The following SPINK5 variants were observed in gnomAD, a reference collection of about 807,000 sequenced individuals.
SPINK5 encodes the protein serine peptidase inhibitor Kazal type 5.
Under a neutral mutation model 151.8 loss-of-function variants are expected in SPINK5, and 125 were observed. That is an observed-to-expected ratio of 0.82 (90% CI 0.71 to 0.96). The LOEUF (loss-of-function observed/expected upper bound fraction) is 0.96. SPINK5 is among the 40% of genes least tolerant of loss of function. SPINK5 has a pLI of 0.00. For synonymous variants in SPINK5, 374 were observed against 395.3 expected, an observed-to-expected ratio of 0.95 and a Z score of 0.64; for missense variants, 1,194 against 1,291.9, an observed-to-expected ratio of 0.92 and a Z score of 1.16.
At chr5:148,093,830 T>G (rs1166875951) in intron 8 of SPINK5, among the ~76,000 whole-genome samples, 1 of 151,930 alleles carries the variant, frequency 6.6e-6, no homozygotes, top group Non-Finnish European at 1.5e-5. Context: ...TATCTTTTAA[T>G]AAACCTACCA....
chr5:148,079,489 TAGAC>T (rs1319011290), intron 4 of SPINK5, among the ~76,000 whole-genome samples: 4 of 150,978 alleles, frequency 2.6e-5, no homozygotes, highest in East Asian at 3.9e-4. Flanking sequence ...CTCATAAACA[TAGAC>T]AGAAAAATCC....
In SPINK5 at chr5:148,118,434, C is replaced by T. The variant is rs987612777; in HGVS notation, c.2113-3C>T. The T allele has an allele frequency of 1.2e-6, 2 of 1,614,032 alleles. No individual in the cohort carries two copies. Among genetic ancestry groups the T allele is most frequent in the African/African-American group, 1.3e-5 (1 of 75,032 alleles). On this transcript the variant is annotated splice_polypyrimidine_tract_variant and splice_region_variant and intron_variant, in intron 22 of 32. Coordinates refer to ENST00000256084, the MANE Select transcript of SPINK5 (RefSeq NM_006846.4). ...GGGGCTCTTCGTTCTTCTCTGTTTT[C>T]AGGACGAATGTGCTGAGTATCGGGA...
chr5:148,087,896 A>C (rs1323376713), intron 5 of SPINK5, among the ~76,000 whole-genome samples: 5 of 151,542 alleles, frequency 3.3e-5, no homozygotes, highest in Non-Finnish European at 1.5e-5. Flanking sequence ...CTTTGAAATA[A>C]CTTTTTTCTT....
intron 3 of SPINK5, 21 bp downstream of exon 3, chr5:148,070,471 T>C (rs754555442): frequency 1.2e-6 from 2 of 1,611,404 alleles, no homozygotes; most frequent in East Asian, 4.5e-5. Context: ...GTTTCTTTCT[T>C]TCTTTCCAAT....
At chr5:148,091,334 TATAG>T (rs1210877480) in intron 8 of SPINK5, 106 bp downstream of exon 8, 8 of 888,878 alleles carry the variant, frequency 9.0e-6, no homozygotes, top group East Asian at 5.4e-5. Context: ...TTTATTATTA[TATAG>T]ATATTTTTCT....
At chr5:148,109,309 A>G (rs148241990) in intron 18 of SPINK5, among the ~76,000 whole-genome samples, 30 of 152,258 alleles carry the variant, frequency 2.0e-4, no homozygotes, top group African/African-American at 6.5e-4. Flanking sequence ...GGTGATAACA[A>G]TGATAATTGT....
Position 148,091,237 on chromosome 5 carries a change from A to T in SPINK5, c.666+9A>T. 1 of 1,610,442 alleles carries T rather than the reference A, an allele frequency of 6.2e-7. No homozygotes were observed. The highest frequency in any genetic ancestry group is 2.2e-5 in the East Asian group (1 of 44,486). The stretch of plus-strand genomic sequence containing the variant: ...GACGAAATGCTGAAAAGGTAAAATG[A>T]CTCACCAACGCAATTTTGTTCTTGT... On this transcript the variant is annotated intron_variant, in intron 8 of 32. Transcript: ENST00000256084.
chr5:148,081,886 A>G (rs1753031114), intron 4 of SPINK5, among the ~76,000 whole-genome samples: 1 of 151,776 alleles, frequency 6.6e-6, no homozygotes, highest in East Asian at 1.9e-4. Flanking sequence ...AGAAAAATAG[A>G]TTATAAAGCT....
At chr5:148,126,912 T>C in intron 29 of SPINK5, 71 bp from the exon 30 acceptor site, 2 of 1,311,310 alleles carry the variant, frequency 1.5e-6, no homozygotes, top group Non-Finnish European at 2.1e-6. Context: ...TTTATGAGGA[T>C]TGCTTAACTT....
chr5:148,065,482 A>T, intron 2 of SPINK5, 110 bp downstream of exon 2: 1 of 1,188,692 alleles, frequency 8.4e-7, no homozygotes, highest in African/African-American at 1.5e-5. Flanking sequence ...ACTGGTAGGT[A>T]CTAATAGCTT....
chr5:148,078,328 G>A (rs1264648341), intron 4 of SPINK5, among the ~76,000 whole-genome samples: 3 of 149,238 alleles, frequency 2.0e-5, no homozygotes, highest in African/African-American at 7.4e-5. Context: ...AAGAAATGAA[G>A]AATTCAAAAA....
intron 4 of SPINK5, among the ~76,000 whole-genome samples, chr5:148,082,983 C>CTTT (rs142153164): frequency 1.1e-4 from 15 of 133,996 alleles, no homozygotes; most frequent in African/African-American, 3.9e-4. Flanking sequence ...GCTTAATATT[C>CTTT]TTTTTTTTTT....
chr5:148,085,764 G>A (rs1337389267), intron 4 of SPINK5, among the ~76,000 whole-genome samples: 1 of 151,880 alleles, frequency 6.6e-6, no homozygotes. Context: ...CTTGTCAGTA[G>A]AGAAAACATT....
chr5:148,111,805 G>A lies in SPINK5; in HGVS notation c.1730G>A (p.Gly577Glu). 1 of 1,614,070 alleles carries A rather than the reference G, an allele frequency of 6.2e-7. No homozygotes were observed. The highest frequency in any genetic ancestry group is 8.5e-7 in the Non-Finnish European group (1 of 1,179,956). Reference sequence around the variant, plus strand: ...GAATATCGTCATTATGTGAGGAATGGACGACTCCCCTGTACCAGAGAGAAT... The same window carrying A: ...GAATATCGTCATTATGTGAGGAATGAACGACTCCCCTGTACCAGAGAGAAT... ...CSEYRHYVRN[G>E]RLPCTRENDP... is the part of the protein sequence containing the mutation. Residue 577 changes from glycine to glutamate, a missense_variant, in exon 19 of 33, where the codon GGA becomes GAA. By Grantham distance (98) the Gly-to-Glu change is moderately conservative. Transcript: ENST00000256084.
chr5:148,080,113 T>G (rs1752981747), intron 4 of SPINK5, among the ~76,000 whole-genome samples: 1 of 151,124 alleles, frequency 6.6e-6, no homozygotes, highest in African/African-American at 2.4e-5. Context: ...ATACTAGCAA[T>G]GAACAATTTG....
At position 148,094,807 on chromosome 5, in the gene SPINK5, G is replaced by A. The variant is rs1221525005; in HGVS notation, c.794+326G>A. 3.9e-5 allele frequency among the ~76,000 whole-genome samples: 6 copies of A among 152,022 alleles called. No individual in the cohort carries two copies. In the East Asian group the frequency reaches 1.2e-3, roughly 30 times the overall value. On this transcript the variant is annotated intron_variant, in intron 9 of 32. Transcript: ENST00000256084. ...GAATGGGGGTAAAAGCAGGTACCAC[G>A]ACTTCGATTGTTTTTCTTCAGTAAT...
chr5:148,074,944 C>A (rs970927568), intron 4 of SPINK5, among the ~76,000 whole-genome samples: 54 of 151,544 alleles, frequency 3.6e-4, no homozygotes, highest in African/African-American at 1.3e-3. Flanking sequence ...TTGATATAGA[C>A]AAATTCTATT....
At position 148,099,307 on chromosome 5, in the gene SPINK5, T is replaced by C; in HGVS notation, c.1084T>C (p.Ser362Pro). 6.2e-7 allele frequency: 1 copy of C among 1,612,070 alleles called. No individual in the cohort carries two copies. Among genetic ancestry groups the C allele is most frequent in the Non-Finnish European group, 8.5e-7 (1 of 1,178,820 alleles). ...CAAAAGAGAATCTGGAAAAGCAACC[T>C]CATATGCAGTGAGTGGAATCCATCC... ...RNKRESGKATSYAELCSEYRK... is the reference protein window; with the variant it reads ...RNKRESGKATPYAELCSEYRK... Residue 362 changes from serine (S) to proline (P), a missense_variant, in exon 12 of 33, where the codon TCA becomes CCA. By Grantham distance (74) the Ser-to-Pro change is moderately conservative (BLOSUM62 -1). Coordinates refer to ENST00000256084, the MANE Select transcript of SPINK5 (RefSeq NM_006846.4).
chr5:148,128,775 G>A (rs1185269808), intron 30 of SPINK5, among the ~76,000 whole-genome samples: 2 of 152,052 alleles, frequency 1.3e-5, no homozygotes, highest in African/African-American at 2.4e-5. Flanking sequence ...CGCCCGCCTC[G>A]GCCTCCCAAA....
Sources: gnomAD v4.1 joint callset for allele counts (sites outside exome capture counted in the v4.1 genomes callset) on GRCh38, gnomAD v4.1.1 for gene constraint, MANE v1.5 for transcripts, NCBI Gene and HGNC (gene_info 2026-07-23, HGNC 2026-07-21) for gene names.